The following PIK3C3 variants were observed in gnomAD, a reference collection of about 807,000 sequenced individuals.
The protein encoded by PIK3C3 is phosphatidylinositol 3-kinase catalytic subunit type 3.
In PIK3C3, 95 loss-of-function variants were observed where a neutral mutation model predicts 126.1. The ratio of observed to expected loss-of-function variants is 0.75; its 90% CI spans 0.64 to 0.89. The LOEUF is 0.89. Among genes scored for constraint, PIK3C3 ranks in the 40% least tolerant of loss-of-function variants. PIK3C3 has a pLI of 0.00. For synonymous variants in PIK3C3, 374 were observed against 360.0 expected (o/e 1.04, Z -0.44); for missense variants, 829 against 1,063.2 (o/e 0.78, Z 3.06).
At chr18:42,073,330 A>T (rs192310882) in intron 24 of PIK3C3, among the ~76,000 whole-genome samples, 55 of 152,348 alleles carry the variant, frequency 3.6e-4, no homozygotes, top group Non-Finnish European at 6.6e-4. Context: ...CTTTAGCTTA[A>T]GGGAATTCAA....
At chr18:42,066,544 C>T (rs1451843466) in intron 23 of PIK3C3, among the ~76,000 whole-genome samples, 1 of 152,118 alleles carries the variant, frequency 6.6e-6, no homozygotes, top group Non-Finnish European at 1.5e-5. Flanking sequence ...GGTTCTTGAG[C>T]CGGCTTCGTG....
At chr18:42,012,919 G>C (rs1238683874) in intron 10 of PIK3C3, among the ~76,000 whole-genome samples, 1 of 151,818 alleles carries the variant, frequency 6.6e-6, no homozygotes, top group Non-Finnish European at 1.5e-5. Flanking sequence ...TGAGCTTTCA[G>C]GAAAAAAGAA....
At position 41,988,597 on chromosome 18, in the gene PIK3C3, A is replaced by C. The variant is rs185172902; in HGVS notation, c.618+699A>C. Among the ~76,000 whole-genome samples the C allele has an allele frequency of 2.6e-5, 4 of 152,294 alleles. No homozygotes were observed. In the East Asian group the frequency reaches 7.7e-4, roughly 29 times the overall value. On this transcript the variant is annotated intron_variant, in intron 5 of 24. Coordinates refer to ENST00000262039, the MANE Select transcript of PIK3C3 (RefSeq NM_002647.4). The stretch of plus-strand genomic sequence containing the variant: ...GTCTAATTTATAATGACCATAAGGC[A>C]CAACTTACTTAATTTATATTCTCCA...
intron 4 of PIK3C3, among the ~76,000 whole-genome samples, chr18:41,979,496 C>T (rs1981091497): frequency 6.6e-6 from 1 of 152,110 alleles, no homozygotes; most frequent in Admixed American, 6.6e-5. Flanking sequence ...GTTCTTATTA[C>T]AAATCCTATA....
intron 9 of PIK3C3, among the ~76,000 whole-genome samples, chr18:42,000,772 C>T (rs12454181): frequency 0.22 from 34,002 of 151,968 alleles, 4,291 homozygotes; most frequent in South Asian, 0.4. Flanking sequence ...AAGGAAACTC[C>T]CCCTTATATA....
chr18:42,081,106 C>G lies in PIK3C3; in HGVS notation c.2650-17C>G, dbSNP rs376041430. The G allele has an allele frequency of 6.9e-7, 1 of 1,455,036 alleles. No homozygotes were observed. Among genetic ancestry groups the G allele is most frequent in the Non-Finnish European group, 9.6e-7 (1 of 1,046,346 alleles). 90.1% of individuals were successfully genotyped at this position (1,455,036 alleles called of 1,614,324 possible). On this transcript the variant is annotated splice_polypyrimidine_tract_variant and intron_variant, in intron 24 of 24. Coordinates refer to ENST00000262039, the MANE Select transcript of PIK3C3 (RefSeq NM_002647.4). ...TAAGTAAATTATTTTCTGTTTATTT[C>G]TTTTTAATTTTTGTAGTACTGGAGA...
chr18:42,052,473 A>T (rs1984849208), intron 21 of PIK3C3, among the ~76,000 whole-genome samples: 1 of 152,178 alleles, frequency 6.6e-6, no homozygotes, highest in African/African-American at 2.4e-5. Flanking sequence ...TTATGCAGTT[A>T]GCATTTTATA....
chr18:41,973,496 G>A (rs1555672073), intron 4 of PIK3C3, among the ~76,000 whole-genome samples: 1 of 151,552 alleles, frequency 6.6e-6, no homozygotes, highest in Non-Finnish European at 1.5e-5. Flanking sequence ...AGTATACTTC[G>A]GTACTTACAT....
rs944450229 is a variant in PIK3C3, at chr18:42,085,430, G to C, written c.*4293G>C. 1.3e-5 allele frequency: 2 copies of C among 152,136 alleles called. No homozygotes were observed. The highest frequency in any genetic ancestry group is 4.8e-5 in the African/African-American group (2 of 41,442). The allele number at this position is 152,136 out of a possible 1,614,324, so 9.4% of individuals were successfully genotyped here. ...AAATTGCCATGAAATCATGAGCTAAGTCAATGGTTATTTTAAACCACTTAA... is the reference window on the plus strand; with the variant it reads ...AAATTGCCATGAAATCATGAGCTAACTCAATGGTTATTTTAAACCACTTAA... On this transcript the variant is annotated 3_prime_UTR_variant, in exon 25 of 25. Coordinates refer to ENST00000262039, the MANE Select transcript of PIK3C3 (RefSeq NM_002647.4).
chr18:42,024,955 C>T (rs1421621855), intron 13 of PIK3C3, among the ~76,000 whole-genome samples: 1 of 152,048 alleles, frequency 6.6e-6, no homozygotes, highest in Non-Finnish European at 1.5e-5. Context: ...AGGCACCCGC[C>T]ACTGTGCCCG....
chr18:41,970,479 G>A, intron 4 of PIK3C3, 23 bp downstream of exon 4: 1 of 1,609,340 alleles, frequency 6.2e-7, no homozygotes, highest in Non-Finnish European at 8.5e-7. Context: ...ATTTGGAACA[G>A]GTGCAAAGCT....
At chr18:42,031,456 G>A (rs1314901934) in intron 15 of PIK3C3, among the ~76,000 whole-genome samples, 4 of 151,798 alleles carry the variant, frequency 2.6e-5, no homozygotes, top group Non-Finnish European at 4.4e-5. Context: ...TTGCTCCGTC[G>A]TCCAGGCTGC....
intron 21 of PIK3C3, among the ~76,000 whole-genome samples, chr18:42,054,938 T>A (rs1479066075): frequency 6.6e-6 from 1 of 152,194 alleles, no homozygotes; most frequent in Non-Finnish European, 1.5e-5. Flanking sequence ...CCTTTTTTTT[T>A]TTAAACTTAT....
At chr18:42,076,157 T>TGCGC (rs57310358) in intron 24 of PIK3C3, among the ~76,000 whole-genome samples, 2 of 117,016 alleles carry the variant, frequency 1.7e-5, no homozygotes, top group African/African-American at 7.4e-5. Context: ...CATATATATA[T>TGCGC]ATATGCACAT....
chr18:42,072,758 ACTC>A (rs1438696644), intron 24 of PIK3C3, among the ~76,000 whole-genome samples: 3 of 151,814 alleles, frequency 2.0e-5, no homozygotes, highest in Non-Finnish European at 2.9e-5. Flanking sequence ...CGGTTCTCAA[ACTC>A]CTGGCCTCAA....
intron 16 of PIK3C3, among the ~76,000 whole-genome samples, chr18:42,037,385 C>A (rs1984102487): frequency 6.6e-6 from 1 of 152,178 alleles, no homozygotes; most frequent in South Asian, 2.1e-4. Flanking sequence ...TCTTATTTTA[C>A]AGATGAGGAA....
At chr18:42,067,626 A>T in intron 24 of PIK3C3, 113 bp downstream of exon 24, 1 of 1,230,250 alleles carries the variant, frequency 8.1e-7, no homozygotes, top group Non-Finnish European at 1.1e-6. Context: ...TTTTTCTATC[A>T]AGTCGTTTTG....
At chr18:41,971,371 C>G (rs188229000) in intron 4 of PIK3C3, 17 of 152,062 alleles carry the variant, frequency 1.1e-4, no homozygotes, top group African/African-American at 3.9e-4. Context: ...CTTGGGTTGG[C>G]TAGGCTTCAT....
intron 3 of PIK3C3, among the ~76,000 whole-genome samples, chr18:41,968,546 A>G (rs1345487448): frequency 2.6e-5 from 4 of 152,204 alleles, no homozygotes; most frequent in Non-Finnish European, 5.9e-5. Flanking sequence ...TACAGTTACT[A>G]GAATTATCTG....
Sources: gnomAD v4.1 joint callset for allele counts (sites outside exome capture counted in the v4.1 genomes callset) on GRCh38, gnomAD v4.1.1 for gene constraint, MANE v1.5 for transcripts, NCBI Gene and HGNC (gene_info 2026-07-23, HGNC 2026-07-21) for gene names.